SGCZ: variants seen among roughly 807,000 people sequenced by gnomAD.
The protein encoded by SGCZ is sarcoglycan zeta, also known as zeta-sarcoglycan.
A neutral mutation model predicts 41.3 loss-of-function variants in SGCZ; 40 were observed. That is an observed-to-expected ratio of 0.97 (90% confidence interval 0.75 to 1.26). The LOEUF (loss-of-function observed/expected upper bound fraction) is 1.26. SGCZ is among the 50% of genes most tolerant of loss of function. The pLI is 0.00. For synonymous variants in SGCZ, 206 were observed against 137.5 expected, an observed-to-expected ratio of 1.50 and a Z score of -3.49; for missense variants, 552 against 369.8, an observed-to-expected ratio of 1.49 and a Z score of -4.04.
intron 1 of SGCZ, among the ~76,000 whole-genome samples, chr8:14,568,251 G>A (rs983169855): frequency 3.3e-5 from 5 of 151,908 alleles, no homozygotes; most frequent in Non-Finnish European, 7.4e-5. Context: ...GGAGAAAGAG[G>A]AGGGAGAGCA....
chr8:14,707,922 G>A (rs1345530234), intron 1 of SGCZ, among the ~76,000 whole-genome samples: 2 of 151,924 alleles, frequency 1.3e-5, no homozygotes, highest in Admixed American at 6.6e-5. Context: ...TGGAAAATGG[G>A]TATGATTTGG....
intron 1 of SGCZ, among the ~76,000 whole-genome samples, chr8:14,635,007 A>C (rs1017765307): frequency 6.6e-6 from 1 of 151,740 alleles, no homozygotes; most frequent in Non-Finnish European, 1.5e-5. Context: ...ACTTTTATAC[A>C]TAGGCTTTTT....
At chr8:14,137,465 C>G (rs991608869) in intron 5 of SGCZ, among the ~76,000 whole-genome samples, 1 of 152,064 alleles carries the variant, frequency 6.6e-6, no homozygotes, top group African/African-American at 2.4e-5. Context: ...CTAGAATAAA[C>G]AGTGTAGAGA....
intron 1 of SGCZ, among the ~76,000 whole-genome samples, chr8:15,208,352 C>T (rs1004991788): frequency 1.3e-5 from 2 of 152,126 alleles, no homozygotes; most frequent in African/African-American, 4.8e-5. Flanking sequence ...ATCTGACTAA[C>T]GCATCCAAAT....
chr8:15,034,117 A>G (rs1299079759), intron 1 of SGCZ, among the ~76,000 whole-genome samples: 1 of 152,232 alleles, frequency 6.6e-6, no homozygotes, highest in Non-Finnish European at 1.5e-5. Flanking sequence ...GCTGACCCCA[A>G]AGAAATGGGT....
intron 1 of SGCZ, among the ~76,000 whole-genome samples, chr8:15,180,164 C>T (rs1800125301): frequency 6.6e-6 from 1 of 152,142 alleles, no homozygotes; most frequent in Admixed American, 6.5e-5. Flanking sequence ...AACTATCACC[C>T]TCTCATCCCG....
intron 1 of SGCZ, among the ~76,000 whole-genome samples, chr8:14,652,100 C>T (rs548847931): frequency 6.4e-4 from 97 of 151,702 alleles, no homozygotes; most frequent in South Asian, 5.4e-3. Context: ...CTCAATGAGA[C>T]GGATAGATGA....
chr8:14,209,392 T>G (rs187319682), intron 4 of SGCZ, among the ~76,000 whole-genome samples: 210 of 152,100 alleles, frequency 1.4e-3, no homozygotes, highest in African/African-American at 4.8e-3. Context: ...CTTGTGTGTG[T>G]TTTCCTGACC....
intron 1 of SGCZ, among the ~76,000 whole-genome samples, chr8:15,018,778 A>C (rs1018618377): frequency 2.0e-5 from 3 of 152,236 alleles, no homozygotes; most frequent in South Asian, 2.1e-4. Context: ...GAAATACCTG[A>C]AATGCTTTAA....
At chr8:14,743,827 A>G (rs1799267093) in intron 1 of SGCZ, among the ~76,000 whole-genome samples, 1 of 152,150 alleles carries the variant, frequency 6.6e-6, no homozygotes, top group Admixed American at 6.6e-5. Context: ...CTCATGTACT[A>G]AAAAAGTGAA....
chr8:14,192,342 T>C (rs920622339), intron 4 of SGCZ, among the ~76,000 whole-genome samples: 7 of 151,930 alleles, frequency 4.6e-5, no homozygotes, highest in Non-Finnish European at 1.0e-4. Context: ...TCAAATATTC[T>C]TATCTAACCT....
chr8:14,139,459 GAAGAA>G (rs1278643435), intron 5 of SGCZ, among the ~76,000 whole-genome samples: 1 of 151,990 alleles, frequency 6.6e-6, no homozygotes, highest in Non-Finnish European at 1.5e-5. Context: ...GACTAATAAA[GAAGAA>G]AAGAAGAATC....
chr8:14,815,755 G>T (rs555739860), intron 1 of SGCZ, among the ~76,000 whole-genome samples: 3 of 152,056 alleles, frequency 2.0e-5, no homozygotes, highest in Non-Finnish European at 2.9e-5. Context: ...TACAAATGAG[G>T]GCAATCTATT....
At chr8:14,959,873 G>C (rs1800909088) in intron 1 of SGCZ, among the ~76,000 whole-genome samples, 1 of 152,168 alleles carries the variant, frequency 6.6e-6, no homozygotes, top group African/African-American at 2.4e-5. Flanking sequence ...ACAGGGAGCA[G>C]GTAATTAGCT....
At chr8:15,137,264 A>C (rs1808143799) in intron 1 of SGCZ, among the ~76,000 whole-genome samples, 1 of 152,186 alleles carries the variant, frequency 6.6e-6, no homozygotes, top group Admixed American at 6.5e-5. Context: ...TGGTGGAAGA[A>C]ATTTCCAAGT....
At position 15,124,476 on chromosome 8, in the gene SGCZ, G is replaced by T. The variant is rs183388169; in HGVS notation, c.39+113109C>A. ...GTCCTAATCAAGATAGATCATGTTT[G>T]CAAGGCCAGGGCAGCTATTCCAGCC... On this transcript the variant is annotated intron_variant, in intron 1 of 7. Coordinates refer to ENST00000382080, the MANE Select transcript of SGCZ (RefSeq NM_139167.4). 2.7e-3 allele frequency among the ~76,000 whole-genome samples: 409 copies of T among 152,224 alleles called. 1 individual carries two copies. Among genetic ancestry groups the T allele is most frequent in the Non-Finnish European group, 4.5e-3 (306 of 68,014 alleles).
At chr8:14,412,312 G>A (rs962856637) in intron 2 of SGCZ, among the ~76,000 whole-genome samples, 3 of 152,062 alleles carry the variant, frequency 2.0e-5, no homozygotes, top group African/African-American at 4.8e-5. Flanking sequence ...GAAAATATGT[G>A]TAAAGCATTT....
intron 1 of SGCZ, among the ~76,000 whole-genome samples, chr8:14,718,941 G>A (rs370890459): frequency 1.3e-5 from 2 of 148,814 alleles, no homozygotes; most frequent in South Asian, 4.3e-4. Context: ...CCATGCTGCT[G>A]TGCTGCACCC....
intron 1 of SGCZ, among the ~76,000 whole-genome samples, chr8:14,885,316 G>C (rs1297565284): frequency 6.6e-6 from 1 of 152,172 alleles, no homozygotes; most frequent in Non-Finnish European, 1.5e-5. Context: ...AATTAATACA[G>C]ATACGGTTCT....
Sources: allele counts gnomAD v4.1 joint callset (sites outside exome capture counted in the v4.1 genomes callset), GRCh38; gene constraint gnomAD v4.1.1; transcripts MANE v1.5; gene names NCBI Gene and HGNC (gene_info 2026-07-23, HGNC 2026-07-21).